ANKRD6: variants seen among roughly 807,000 people sequenced by gnomAD.
ANKRD6 encodes the protein ankyrin repeat domain-containing protein 6.
In ANKRD6, 56 loss-of-function variants were observed where a neutral mutation model predicts 82.3. That is an observed-to-expected ratio of 0.68 (90% CI 0.55 to 0.85). ANKRD6 has a LOEUF of 0.85. Ranked by LOEUF, ANKRD6 falls within the 40% of genes least tolerant of loss-of-function variation. ANKRD6 has a pLI of 0.00. For missense variants in ANKRD6, 852 were observed against 907.6 expected, an observed-to-expected ratio of 0.94 and a Z score of 0.79; for synonymous variants, 347 against 352.1, an observed-to-expected ratio of 0.99 and a Z score of 0.16.
At chr6:89,560,288 A>T (rs1787206038) in intron 1 of ANKRD6, among the ~76,000 whole-genome samples, 1 of 152,176 alleles carries the variant, frequency 6.6e-6, no homozygotes, top group African/African-American at 2.4e-5. Flanking sequence ...GTTTCGGGTG[A>T]TGGCTGTCTT....
chr6:89,592,735 C>T (rs1179393830), intron 2 of ANKRD6, among the ~76,000 whole-genome samples: 2 of 152,090 alleles, frequency 1.3e-5, no homozygotes, highest in Non-Finnish European at 2.9e-5. Flanking sequence ...GTCAGAGTAT[C>T]AGGAGGTACT....
intron 1 of ANKRD6, among the ~76,000 whole-genome samples, chr6:89,551,993 A>C (rs1247204483): frequency 6.6e-6 from 1 of 152,238 alleles, no homozygotes; most frequent in African/African-American, 2.4e-5. Context: ...GATTTTAAAT[A>C]ATTCATAATG....
chr6:89,545,917 G>T (rs1785026498), intron 1 of ANKRD6, among the ~76,000 whole-genome samples: 1 of 152,112 alleles, frequency 6.6e-6, no homozygotes, highest in Admixed American at 6.5e-5. Flanking sequence ...TCATTCTCCT[G>T]CCTCAGCCTC....
rs1807505691 is a variant in ANKRD6 at position 89,632,049 on chromosome 6, AGTT to A, written c.*1048_*1050del. 2 of 152,378 alleles carry A rather than the reference AGTT, an allele frequency of 1.3e-5. No homozygotes were observed. The highest frequency in any genetic ancestry group is 2.4e-5 in the African/African-American group (1 of 41,590). The allele number at this position is 152,378 out of a possible 1,614,324, so 9.4% of individuals were successfully genotyped here. On this transcript the variant is annotated 3_prime_UTR_variant, in exon 16 of 16. Transcript: ENST00000339746. ...ATAATGAAATATAAACACAGAACAA[AGTT>A]GTAAAAGTAGCATGGATATGTTGAA...
At chr6:89,492,243 G>A (rs1214843202) in intron 1 of ANKRD6, among the ~76,000 whole-genome samples, 2 of 152,164 alleles carry the variant, frequency 1.3e-5, no homozygotes, top group African/African-American at 4.8e-5. Context: ...GAGCAGCCTG[G>A]CCTGAGCGCG....
At chr6:89,447,506 A>G (rs1285301575) in intron 1 of ANKRD6, among the ~76,000 whole-genome samples, 3 of 152,146 alleles carry the variant, frequency 2.0e-5, no homozygotes, top group Admixed American at 1.3e-4. Flanking sequence ...GGTTTAAGAA[A>G]CCATCTCTGT....
At chr6:89,527,601 C>CAA (rs35855223) in intron 1 of ANKRD6, among the ~76,000 whole-genome samples, 1,644 of 45,230 alleles carry the variant, frequency 0.036, 131 homozygotes, top group African/African-American at 0.063. Flanking sequence ...GACTCCGTCT[C>CAA]AAAAAAAAAA....
At chr6:89,452,081 T>C (rs1397318136) in intron 1 of ANKRD6, among the ~76,000 whole-genome samples, 1 of 152,110 alleles carries the variant, frequency 6.6e-6, no homozygotes, top group Admixed American at 6.6e-5. Context: ...CTTGGGAAGC[T>C]GAGGCAGGAG....
At chr6:89,447,842 C>A (rs1031033709) in intron 1 of ANKRD6, among the ~76,000 whole-genome samples, 1 of 78,396 alleles carries the variant, frequency 1.3e-5, no homozygotes, top group Non-Finnish European at 2.5e-5. Context: ...CATGTGCCAC[C>A]ACGCCCAGCT....
chr6:89,613,783 T>G lies in ANKRD6; in HGVS notation c.517-9T>G. The G allele has an allele frequency of 6.2e-7, 1 of 1,613,114 alleles. No homozygotes were observed. Among genetic ancestry groups the G allele is most frequent in the Non-Finnish European group, 8.5e-7 (1 of 1,179,562 alleles). On this transcript the variant is annotated splice_polypyrimidine_tract_variant and intron_variant, in intron 6 of 15. Transcript: ENST00000339746. ...CAGATTGTGCTTAGAGTTTGATTTT[T>G]GTCCGCAGGCAGGAGACACCTGTTT...
Position 89,447,146 on chromosome 6 carries a change from C to T in ANKRD6, c.-144+13771C>T, listed in dbSNP as rs532220294. Among the ~76,000 whole-genome samples the T allele has an allele frequency of 4.6e-5, 7 of 152,084 alleles. No individual in the cohort carries two copies. In the South Asian group the frequency reaches 1.0e-3, roughly 23 times the overall value. On this transcript the variant is annotated intron_variant, in intron 1 of 15. Transcript: ENST00000339746. ...ATATGCACCTGTAGTTCTAGCTATT[C>T]GGGAAGGCTGAGGTGGGAGGATCAC...
In ANKRD6 at chr6:89,532,686, A is replaced by G. The variant is rs115903157; in HGVS notation, c.-143-34148A>G. 5.5e-3 allele frequency among the ~76,000 whole-genome samples: 844 copies of G among 152,200 alleles called. 7 individuals carry two copies. Among genetic ancestry groups the G allele is most frequent in the African/African-American group, 0.019 (786 of 41,532 alleles). On this transcript the variant is annotated intron_variant, in intron 1 of 15. Transcript: ENST00000339746. ...TGAAAGAACGTATTGAAAGCTTACA[A>G]GATAGTAAATTGATTTTTTTTTCTT...
At chr6:89,597,943 C>G (rs1362959075) in intron 3 of ANKRD6, 1 of 234,336 alleles carries the variant, frequency 4.3e-6, no homozygotes, top group Non-Finnish European at 7.0e-6. Flanking sequence ...TGCAAGAAAT[C>G]AAGGAAGAAA....
chr6:89,566,902 G>C lies in ANKRD6; in HGVS notation c.-75G>C, dbSNP rs1788649600. On this transcript the variant is annotated 5_prime_UTR_variant, in exon 2 of 16. Coordinates refer to ENST00000339746, the MANE Select transcript of ANKRD6 (RefSeq NM_001242809.2). ...TGAACATCTTTACCTCTGGGTGCCA[G>C]GCCGGGCCAGTGACTTCGTGTTGAG... The C allele has an allele frequency of 3.3e-6, 5 of 1,534,656 alleles. No homozygotes were observed. In the African/African-American group the frequency reaches 6.9e-5, roughly 21 times the overall value.
chr6:89,630,894 A>C lies in ANKRD6; in HGVS notation c.2074A>C (p.Ser692Arg). Reference sequence around the variant, plus strand: ...TGAAAGGAAGATTGAAGAAGCACGAAGCCAAGCCAATCAGAAAGCCCAGCA... The same window carrying C: ...TGAAAGGAAGATTGAAGAAGCACGACGCCAAGCCAATCAGAAAGCCCAGCA... ...WYERKIEEAR[S>R]QANQKAQQDK... The change falls in exon 16 of 16, where the codon AGC (serine) becomes CGC (arginine). Residue 692 changes from serine to arginine, a missense_variant. By Grantham distance (110) the Ser-to-Arg change is moderately radical. Transcript: ENST00000339746. The C allele has an allele frequency of 1.9e-6, 3 of 1,613,460 alleles. No individual in the cohort carries two copies. Among genetic ancestry groups the C allele is most frequent in the Non-Finnish European group, 2.5e-6 (3 of 1,179,712 alleles).
intron 1 of ANKRD6, among the ~76,000 whole-genome samples, chr6:89,527,634 AAAAG>A (rs1782667496): frequency 6.6e-6 from 1 of 150,898 alleles, no homozygotes; most frequent in South Asian, 2.1e-4. Context: ...AAAGAAAAAG[AAAAG>A]AAAAACAAAC....
intron 1 of ANKRD6, among the ~76,000 whole-genome samples, chr6:89,462,352 G>T (rs964403917): frequency 5.3e-5 from 8 of 152,024 alleles, no homozygotes; most frequent in East Asian, 1.9e-4. Flanking sequence ...CAAGGTTATT[G>T]AAATTTATTT....
intron 1 of ANKRD6, among the ~76,000 whole-genome samples, chr6:89,505,211 A>C (rs952969204): frequency 1.1e-4 from 16 of 152,332 alleles, no homozygotes; most frequent in Admixed American, 3.3e-4. Context: ...CGTATGCACC[A>C]TCTGTGCAAT....
At chr6:89,520,265 G>A (rs922365913) in intron 1 of ANKRD6, among the ~76,000 whole-genome samples, 3 of 152,214 alleles carry the variant, frequency 2.0e-5, no homozygotes, top group East Asian at 1.9e-4. Context: ...TATTACAGGC[G>A]TGAAGCACTG....
Sources: allele counts gnomAD v4.1 joint callset (sites outside exome capture counted in the v4.1 genomes callset), GRCh38; gene constraint gnomAD v4.1.1; transcripts MANE v1.5; gene names NCBI Gene and HGNC (gene_info 2026-07-23, HGNC 2026-07-21).